Variants in HHIPL1 observed in about 807,000 individuals in gnomAD.
HHIPL1 encodes HHIP like 1.
In HHIPL1, 43 loss-of-function variants were observed where a neutral mutation model predicts 61.8. The observed-to-expected ratio is 0.70, with a 90% CI of 0.55 to 0.90. The LOEUF (loss-of-function observed/expected upper bound fraction) is 0.90. HHIPL1 is among the 40% of genes least tolerant of loss of function. HHIPL1 has a pLI of 0.00. For synonymous variants in HHIPL1, 482 were observed against 515.8 expected (o/e 0.93, Z 0.89); for missense variants, 1,056 against 1,157.7 (o/e 0.91, Z 1.28).
In HHIPL1 at chr14:99,668,856, C is replaced by T. The variant is rs1355775588; in HGVS notation, c.1730+553C>T. On this transcript the variant is annotated intron_variant, in intron 7 of 8. Coordinates refer to ENST00000330710, the MANE Select transcript of HHIPL1 (RefSeq NM_001127258.3). The surrounding 1 kb of genome is among the most constrained non-coding windows in gnomAD (Gnocchi z 4.7). ...GCTGTAAGGCCAGAAGCGCCATGCC[C>T]GGCTATGTCCCAGCTCCTTCCGTGT... 18 of 1,613,924 alleles carry T rather than the reference C, an allele frequency of 1.1e-5. No homozygotes were observed. The highest frequency in any genetic ancestry group is 5.3e-5 in the African/African-American group (4 of 74,944).
At chr14:99,662,691 C>T (rs1265265840) in intron 5 of HHIPL1, among the ~76,000 whole-genome samples, 185 bp from the exon 6 acceptor site, 4 of 152,034 alleles carry the variant, frequency 2.6e-5, no homozygotes, top group African/African-American at 9.7e-5. Flanking sequence ...TCGGGCTCTG[C>T]GAATTGTGTA....
the HHIPL1 span, among the ~76,000 whole-genome samples, chr14:99,617,968 G>A: frequency 6.6e-6 from 1 of 152,200 alleles, no homozygotes; most frequent in Admixed American, 6.5e-5. Context: ...TGGCAGATGT[G>A]CCAGTGAAGG....
upstream of HHIPL1, among the ~76,000 whole-genome samples, chr14:99,641,034 C>G (rs566060894): frequency 5.7e-4 from 86 of 151,888 alleles, no homozygotes; most frequent in African/African-American, 1.7e-3. Context: ...TTACAGGCAT[C>G]CGCCACCACA....
At chr14:99,661,421 A>AGGAAG (rs1555378192) in intron 5 of HHIPL1, among the ~76,000 whole-genome samples, 16 of 143,512 alleles carry the variant, frequency 1.1e-4, no homozygotes, top group African/African-American at 4.2e-4. Flanking sequence ...GAGAGAGAAA[A>AGGAAG]GAAGGAAGGA....
Position 99,645,363 on chromosome 14 carries a change from C to A in HHIPL1, c.156C>A (p.Arg52=). ...ACTTCGGCTGCTGCGATGAGGGGCG[C>A]GACGCCGAGCTGACCCGCCGCTTCT... The part of the protein sequence containing the change: ...YSDFGCCDEG[R]DAELTRRFWA... Residue 52 remains arginine, a synonymous_variant, in exon 1 of 9, where the codon CGC becomes CGA. Coordinates refer to ENST00000330710, the MANE Select transcript of HHIPL1 (RefSeq NM_001127258.3). 6.9e-7 allele frequency: 1 copy of A among 1,443,796 alleles called. No individual in the cohort carries two copies. Among genetic ancestry groups the A allele is most frequent in the Non-Finnish European group, 9.1e-7 (1 of 1,102,128 alleles). 89.4% of individuals were successfully genotyped at this position (1,443,796 alleles called of 1,614,324 possible).
At chr14:99,620,139 C>G in the HHIPL1 span, among the ~76,000 whole-genome samples, 1 of 152,208 alleles carries the variant, frequency 6.6e-6, no homozygotes, top group Non-Finnish European at 1.5e-5. Context: ...TGCCATCTTT[C>G]TTGGACCCTC....
chr14:99,641,148 A>G (rs527315989), upstream of HHIPL1, among the ~76,000 whole-genome samples: 3 of 151,684 alleles, frequency 2.0e-5, no homozygotes, highest in Admixed American at 6.6e-5. Flanking sequence ...CAGCCTCCCA[A>G]CGTGTTGGGA....
Position 99,680,498 on chromosome 14 carries a change from A to G in HHIPL1, c.*4872A>G, listed in dbSNP as rs933520252. ...CATACTGGTGCTATCCAATAGAAAC[A>G]TAATGTGAGCCAAATAGGTAATTTA... On this transcript the variant is annotated 3_prime_UTR_variant, in exon 9 of 9. Coordinates refer to ENST00000330710, the MANE Select transcript of HHIPL1 (RefSeq NM_001127258.3). 6.6e-6 allele frequency: 1 copy of G among 152,238 alleles called. No individual in the cohort carries two copies. Among genetic ancestry groups the G allele is most frequent in the Non-Finnish European group, 1.5e-5 (1 of 68,050 alleles). 9.4% of individuals were successfully genotyped at this position (152,238 alleles called of 1,614,324 possible). A position where few individuals can be genotyped will look rare whatever the true frequency, so the allele number is the denominator to read the frequency against.
At chr14:99,644,157 C>G (rs1293801719), upstream of HHIPL1, among the ~76,000 whole-genome samples, 1 of 152,180 alleles carries the variant, frequency 6.6e-6, no homozygotes, top group Non-Finnish European at 1.5e-5. Context: ...CCCAGCTCTG[C>G]CAGGAGCATG....
Position 99,660,764 on chromosome 14 carries a change from G to C in HHIPL1, c.1502+358G>C, listed in dbSNP as rs575627246. Among the ~76,000 whole-genome samples the C allele has an allele frequency of 2.0e-5, 3 of 152,264 alleles. No individual in the cohort carries two copies. Among genetic ancestry groups the C allele is most frequent in the Admixed American group, 6.5e-5 (1 of 15,296 alleles). On this transcript the variant is annotated intron_variant, in intron 5 of 8. Transcript: ENST00000330710. This position sits in a 1 kb window ranked among gnomAD's most constrained non-coding sequence, Gnocchi z 4.9. Reference sequence around the variant, plus strand: ...GAGGGCAGAATATGAACAATTTCCTGGACACTCAGGGCCACCCTGCTCCTG... The same window carrying C: ...GAGGGCAGAATATGAACAATTTCCTCGACACTCAGGGCCACCCTGCTCCTG...
Position 99,660,169 on chromosome 14 carries a change from G to T in HHIPL1, c.1376-111G>T. 1 of 1,231,022 alleles carries T rather than the reference G, an allele frequency of 8.1e-7. No individual in the cohort carries two copies. The highest frequency in any genetic ancestry group is 2.6e-5 in the East Asian group (1 of 38,558). The allele number at this position is 1,231,022 out of a possible 1,614,324, so 76.3% of individuals were successfully genotyped here. A position where few individuals can be genotyped will look rare whatever the true frequency, so the allele number is the denominator to read the frequency against. ...GGCACGCCAGCCCTGCTGTGGGCAC[G>T]CCCCTCCCTCCGTGGCCGCCCCACC... On this transcript the variant is annotated intron_variant, in intron 4 of 8. Coordinates refer to ENST00000330710, the MANE Select transcript of HHIPL1 (RefSeq NM_001127258.3). The surrounding 1 kb of genome is among the most constrained non-coding windows in gnomAD (Gnocchi z 4.9).
chr14:99,654,238 G>A (rs2055990688), intron 2 of HHIPL1, among the ~76,000 whole-genome samples: 1 of 151,742 alleles, frequency 6.6e-6, no homozygotes, highest in Non-Finnish European at 1.5e-5. Flanking sequence ...CCTGGGGAAG[G>A]CAGCGACTCT....
chr14:99,669,179 T>C (rs2056298370), intron 7 of HHIPL1: 1 of 1,305,862 alleles, frequency 7.7e-7, no homozygotes, highest in Admixed American at 3.2e-5. Context: ...GGGCCAAGCC[T>C]GTATCTCTTC....
At chr14:99,657,264 G>A (rs1194424707) in intron 3 of HHIPL1, 121 bp downstream of exon 3, 2 of 1,185,404 alleles carry the variant, frequency 1.7e-6, no homozygotes, top group African/African-American at 3.1e-5. Flanking sequence ...AAGGTTCTGG[G>A]TCCCAGCTCA....
At position 99,675,552 on chromosome 14, in the gene HHIPL1, G is replaced by A; in HGVS notation, c.2275G>A (p.Gly759Ser). Residue 759 changes from glycine to serine, a missense_variant, in exon 9 of 9, where the codon GGC becomes AGC. By Grantham distance (56) the Gly-to-Ser change is moderately conservative. Transcript: ENST00000330710. This position sits in a 1 kb window ranked among gnomAD's most constrained non-coding sequence, Gnocchi z 5.4. ...ERNLLECQHN[G>S]VGTHNCEHDE... ...GAACCTGCTGGAGTGCCAGCACAAC[G>A]GCGTGGGCACCCACAACTGCGAGCA... 1.3e-6 allele frequency: 2 copies of A among 1,539,492 alleles called. No individual in the cohort carries two copies. The highest frequency in any genetic ancestry group is 2.0e-5 in the Admixed American group (1 of 50,948).
At chr14:99,612,882 G>A in the HHIPL1 span, among the ~76,000 whole-genome samples, 3 of 152,124 alleles carry the variant, frequency 2.0e-5, no homozygotes, top group Admixed American at 2.0e-4. Flanking sequence ...CCCTAGGCCT[G>A]AGGTCTACAA....
At chr14:99,624,951 T>C in the HHIPL1 span, 1 of 152,248 alleles carries the variant, frequency 6.6e-6, no homozygotes, top group Non-Finnish European at 1.5e-5. Context: ...ATAATGACTA[T>C]GTGACCTAAT....
intron 1 of HHIPL1, among the ~76,000 whole-genome samples, chr14:99,648,171 A>G (rs1409095283): frequency 6.6e-6 from 1 of 152,178 alleles, no homozygotes; most frequent in African/African-American, 2.4e-5. Flanking sequence ...ACACACAGGA[A>G]GGTGCCAGAA....
chr14:99,615,767 A>C, the HHIPL1 span, among the ~76,000 whole-genome samples: 1,415 of 152,244 alleles, frequency 9.3e-3, 24 homozygotes, highest in African/African-American at 0.032. Flanking sequence ...ACAACAGAGA[A>C]AGGAAGGTCC....
Sources: allele counts gnomAD v4.1 joint callset (sites outside exome capture counted in the v4.1 genomes callset), GRCh38; gene constraint gnomAD v4.1.1; non-coding constraint Gnocchi (gnomAD v3.1); transcripts MANE v1.5; gene names NCBI Gene and HGNC (gene_info 2026-07-23, HGNC 2026-07-21).